Variants in PACRG observed in about 807,000 individuals in gnomAD.
The protein encoded by PACRG is parkin coregulated.
In PACRG, 29 loss-of-function variants were observed where a neutral mutation model predicts 29.7. That is an observed-to-expected ratio of 0.98 (90% CI 0.73 to 1.33). The LOEUF is 1.33. Ranked by LOEUF, PACRG falls within the 40% of genes most tolerant of loss-of-function variation. PACRG has a pLI of 0.00. For synonymous variants in PACRG, 116 were observed against 118.7 expected, an observed-to-expected ratio of 0.98 and a Z score of 0.15; for missense variants, 279 against 316.2, an observed-to-expected ratio of 0.88 and a Z score of 0.89.
intron 4 of PACRG, among the ~76,000 whole-genome samples, chr6:163,157,747 G>A (rs1562943051): frequency 1.3e-5 from 2 of 152,202 alleles, no homozygotes; most frequent in Non-Finnish European, 2.9e-5. Context: ...GAAGCCACAA[G>A]CACTCGGCTT....
intron 2 of PACRG, among the ~76,000 whole-genome samples, chr6:163,060,002 ATGTT>A (rs1810959688): frequency 6.6e-6 from 1 of 152,186 alleles, no homozygotes; most frequent in African/African-American, 2.4e-5. Flanking sequence ...CTGCAATAAA[ATGTT>A]TGAACAGGAT....
At chr6:163,079,423 A>G (rs1812863574) in intron 3 of PACRG, among the ~76,000 whole-genome samples, 1 of 145,548 alleles carries the variant, frequency 6.9e-6, no homozygotes, top group Non-Finnish European at 1.5e-5. Flanking sequence ...AAAAAAAAAG[A>G]AAGAAAGAAA....
intron 1 of PACRG, among the ~76,000 whole-genome samples, chr6:162,748,629 G>C (rs1781278552): frequency 6.6e-6 from 1 of 152,074 alleles, no homozygotes; most frequent in African/African-American, 2.4e-5. Context: ...GTATCAATGA[G>C]ATTCACGCAC....
intron 4 of PACRG, among the ~76,000 whole-genome samples, chr6:163,177,972 TGACACTTA>T (rs1316075038): frequency 6.6e-6 from 1 of 152,114 alleles, no homozygotes; most frequent in Non-Finnish European, 1.5e-5. Context: ...GTTCACCAAC[TGACACTTA>T]GAAGAGGCTC....
At chr6:163,308,686 T>TTTA (rs1329088650) in intron 4 of PACRG, among the ~76,000 whole-genome samples, 1 of 140,536 alleles carries the variant, frequency 7.1e-6, no homozygotes, top group Non-Finnish European at 1.6e-5. Flanking sequence ...AAAAGGAAAA[T>TTTA]TTATTCAGAA....
chr6:163,016,709 G>T (rs1806145119), intron 2 of PACRG, among the ~76,000 whole-genome samples: 2 of 151,952 alleles, frequency 1.3e-5, no homozygotes, highest in Non-Finnish European at 1.5e-5. Flanking sequence ...TCATATATTT[G>T]ACAGGGAAAC....
chr6:163,252,350 G>A (rs933181137), intron 4 of PACRG, among the ~76,000 whole-genome samples: 4 of 152,270 alleles, frequency 2.6e-5, no homozygotes, highest in African/African-American at 9.6e-5. Flanking sequence ...CCCTGCCTTC[G>A]TGGAGTTTAG....
intron 4 of PACRG, among the ~76,000 whole-genome samples, chr6:163,291,518 G>A (rs1784610421): frequency 6.6e-6 from 1 of 152,276 alleles, no homozygotes; most frequent in African/African-American, 2.4e-5. Context: ...TGCAACTATG[G>A]GCCCGCCCCG....
In PACRG at chr6:162,961,873, A is replaced by G. The variant is rs150879296; in HGVS notation, c.292-100277A>G. On this transcript the variant is annotated intron_variant, in intron 2 of 4. Transcript: ENST00000366888. ...TTTAGTGATTCTTCCTTCTTGGAGCACCTGAGGCTGTCTGTGAGCTGGCCC... is the reference window on the plus strand; with the variant it reads ...TTTAGTGATTCTTCCTTCTTGGAGCGCCTGAGGCTGTCTGTGAGCTGGCCC... Among the ~76,000 whole-genome samples, 1,074 of 152,234 alleles carry G rather than the reference A, an allele frequency of 7.1e-3. 7 individuals are homozygous for G. Among genetic ancestry groups the G allele is most frequent in the Admixed American group, 0.011 (166 of 15,288 alleles).
At chr6:163,194,381 C>T (rs1314082698) in intron 4 of PACRG, among the ~76,000 whole-genome samples, 1 of 152,076 alleles carries the variant, frequency 6.6e-6, no homozygotes. Context: ...TGTCTTTTCT[C>T]CTGTCTCCCT....
intron 2 of PACRG, among the ~76,000 whole-genome samples, chr6:162,893,755 C>A (rs1794963268): frequency 6.6e-6 from 1 of 152,212 alleles, no homozygotes; most frequent in African/African-American, 2.4e-5. Context: ...CTTACCCTCA[C>A]CCTGTGGGCA....
chr6:162,821,574 A>T (rs568487789), intron 2 of PACRG, among the ~76,000 whole-genome samples: 1 of 152,294 alleles, frequency 6.6e-6, no homozygotes, highest in African/African-American at 2.4e-5. Flanking sequence ...GCTGCCACCC[A>T]TATTGTCACT....
intron 2 of PACRG, among the ~76,000 whole-genome samples, chr6:162,872,072 A>G (rs1350257387): frequency 1.3e-5 from 2 of 152,262 alleles, no homozygotes; most frequent in African/African-American, 4.8e-5. Flanking sequence ...CAATAACTAC[A>G]AAATGTGACA....
At chr6:162,761,495 G>C (rs562220062) in intron 1 of PACRG, among the ~76,000 whole-genome samples, 4 of 152,226 alleles carry the variant, frequency 2.6e-5, no homozygotes, top group Admixed American at 1.3e-4. Flanking sequence ...CTGCTCTACT[G>C]TCTGTGCTAT....
intron 4 of PACRG, among the ~76,000 whole-genome samples, chr6:163,267,912 C>G (rs973762423): frequency 6.6e-6 from 1 of 152,074 alleles, no homozygotes; most frequent in South Asian, 2.1e-4. Context: ...AAGTAACACC[C>G]AAATGAGTTA....
intron 4 of PACRG, among the ~76,000 whole-genome samples, chr6:163,248,841 C>T (rs749658409): frequency 5.9e-5 from 9 of 151,926 alleles, no homozygotes; most frequent in Non-Finnish European, 7.4e-5. Context: ...GGTGAAACCC[C>T]GTTTCTACTA....
chr6:162,993,133 C>T (rs1336089359), intron 2 of PACRG, among the ~76,000 whole-genome samples: 3 of 150,694 alleles, frequency 2.0e-5, no homozygotes, highest in Admixed American at 2.0e-4. Flanking sequence ...TGTTCTTTTA[C>T]ATTTGCTGAG....
At chr6:163,240,549 G>C (rs1475523171) in intron 4 of PACRG, among the ~76,000 whole-genome samples, 1 of 152,168 alleles carries the variant, frequency 6.6e-6, no homozygotes, top group South Asian at 2.1e-4. Flanking sequence ...CCACCTCCTT[G>C]GTCCCCTCCT....
At chr6:162,754,148 G>T (rs764752439) in intron 1 of PACRG, among the ~76,000 whole-genome samples, 3 of 152,032 alleles carry the variant, frequency 2.0e-5, no homozygotes, top group Non-Finnish European at 4.4e-5. Context: ...CCCAGAATTT[G>T]CTTTCTTTCA....
Sources: allele counts gnomAD v4.1 joint callset (sites outside exome capture counted in the v4.1 genomes callset), GRCh38; gene constraint gnomAD v4.1.1; transcripts MANE v1.5; gene names NCBI Gene and HGNC (gene_info 2026-07-23, HGNC 2026-07-21).